SCN9A: variants seen among roughly 807,000 people sequenced by gnomAD.
The protein encoded by SCN9A is sodium voltage-gated channel alpha subunit 9, also known as sodium channel protein type 9 subunit alpha.
SCN9A carries 131 observed loss-of-function variants against 187.0 expected under a neutral mutation model. The observed-to-expected ratio is 0.70, with a 90% CI of 0.61 to 0.81. The LOEUF is 0.81. SCN9A is among the 30% of genes least tolerant of loss of function. The pLI, the probability that SCN9A is intolerant of heterozygous loss-of-function variation, is 0.00. For synonymous variants in SCN9A, 809 were observed against 808.6 expected, an observed-to-expected ratio of 1.00 and a Z score of -0.01; for missense variants, 2,252 against 2,396.6, an observed-to-expected ratio of 0.94 and a Z score of 1.26.
At chr2:166,232,834 TTA>T (rs1309982420) in intron 21 of SCN9A, among the ~76,000 whole-genome samples, 11 of 147,814 alleles carry the variant, frequency 7.4e-5, no homozygotes, top group Middle Eastern at 3.7e-3. Context: ...TATGCATATT[TTA>T]TATATAGTCT....
intron 1 of SCN9A, among the ~76,000 whole-genome samples, chr2:166,374,566 G>A (rs1700644177): frequency 6.6e-6 from 1 of 151,912 alleles, no homozygotes; most frequent in African/African-American, 2.4e-5. Context: ...GCAATAAAAT[G>A]AACAGTTTAA....
At chr2:166,245,712 A>G (rs149806353) in intron 18 of SCN9A, among the ~76,000 whole-genome samples, 2 of 152,116 alleles carry the variant, frequency 1.3e-5, no homozygotes, top group Admixed American at 6.6e-5. Context: ...AAGAATGGGC[A>G]GCACTTTTTT....
intron 24 of SCN9A, among the ~76,000 whole-genome samples, chr2:166,215,689 AC>A (rs1440402021): frequency 2.0e-5 from 3 of 151,536 alleles, no homozygotes; most frequent in Admixed American, 2.0e-4. Context: ...GAAACATGCA[AC>A]CTACCAAGAC....
chr2:166,340,774 C>A (rs922299886), intron 1 of SCN9A, among the ~76,000 whole-genome samples: 2 of 151,776 alleles, frequency 1.3e-5, no homozygotes, highest in African/African-American at 2.4e-5. Context: ...GCAGGCGCCA[C>A]AACACCCGGC....
chr2:166,294,515 T>C (rs2106506176), intron 8 of SCN9A, 84 bp downstream of exon 8: 1 of 924,846 alleles, frequency 1.1e-6, no homozygotes, highest in Non-Finnish European at 1.7e-6. Context: ...CAATATAGAA[T>C]CAAAGACTAA....
intron 19 of SCN9A, among the ~76,000 whole-genome samples, chr2:166,239,803 G>A (rs1423571517): frequency 3.9e-5 from 6 of 152,096 alleles, no homozygotes; most frequent in African/African-American, 1.2e-4. Context: ...GAGCAGAGCC[G>A]CAGGAAGTCT....
At chr2:166,286,686 C>T (rs1697763989) in intron 10 of SCN9A, 63 bp from the exon 11 acceptor site, 8 of 1,308,344 alleles carry the variant, frequency 6.1e-6, no homozygotes, top group Non-Finnish European at 8.1e-6. Context: ...AACCCTAGGA[C>T]AGGACATCTT....
intron 1 of SCN9A, among the ~76,000 whole-genome samples, chr2:166,329,655 C>A (rs1442803902): frequency 1.3e-5 from 2 of 151,956 alleles, no homozygotes; most frequent in African/African-American, 4.8e-5. Context: ...AACTAGGTGG[C>A]CTTGATCCTT....
At chr2:166,373,478 C>T (rs1360767942) in intron 1 of SCN9A, among the ~76,000 whole-genome samples, 1 of 151,798 alleles carries the variant, frequency 6.6e-6, no homozygotes, top group African/African-American at 2.4e-5. Context: ...ATGACCTGAA[C>T]TAATTTGGTG....
chr2:166,307,014 A>G lies in SCN9A; in HGVS notation c.319T>C (p.Tyr107His). Residue 107 changes from tyrosine to histidine, a missense_variant, in exon 3 of 27, where the codon TAT (tyrosine) becomes CAT (histidine). Around this residue, in one of 7 missense-constraint regions of SCN9A, gnomAD observed 1,013 missense variants for 997.4 expected, o/e 1.02. Transcript: ENST00000642356. ...IFRFNATPAL[Y>H]MLSPFSPLRR... ...AGAGGACTGAAAGGAGAAAGCATAT[A>G]TAAAGCAGGTGTGGCATTGAAACGG... The G allele has an allele frequency of 6.2e-7, 1 of 1,612,152 alleles. No individual in the cohort carries two copies. Among genetic ancestry groups the G allele is most frequent in the Non-Finnish European group, 8.5e-7 (1 of 1,178,372 alleles).
chr2:166,332,316 C>T (rs1027716075), intron 1 of SCN9A, among the ~76,000 whole-genome samples: 2 of 152,134 alleles, frequency 1.3e-5, no homozygotes, highest in African/African-American at 4.8e-5. Context: ...CAAAGCCTTC[C>T]AATGAATGCA....
chr2:166,290,300 C>G (rs1697986436), intron 9 of SCN9A, among the ~76,000 whole-genome samples: 1 of 152,118 alleles, frequency 6.6e-6, no homozygotes, highest in African/African-American at 2.4e-5. Context: ...ACCACATTTT[C>G]TTTATACAAT....
chr2:166,333,637 TG>T (rs1349390001), intron 1 of SCN9A, among the ~76,000 whole-genome samples: 5 of 151,812 alleles, frequency 3.3e-5, no homozygotes, highest in Non-Finnish European at 4.4e-5. Flanking sequence ...TGACATAACT[TG>T]TTTTTTTTTA....
Position 166,198,974 on chromosome 2 carries a change from CTT to C in SCN9A, c.5663_5664del (p.Gln1888ArgfsTer13). 6.2e-7 allele frequency: 1 copy of C among 1,614,024 alleles called. No homozygotes were observed. Among genetic ancestry groups the C allele is most frequent in the Non-Finnish European group, 8.5e-7 (1 of 1,179,924 alleles). ...EPITTTLKRK[Q>X]EDVSATVIQR... ...TGAATGACAGTAGCAGACACATCCT[CTT>C]GTTTCCGTTTTAGTGTGGTTGTGAT... On this transcript the variant is annotated frameshift_variant, in exon 27 of 27. Transcript: ENST00000642356. LOFTEE classifies it high-confidence loss of function.
At chr2:166,251,696 T>C in intron 18 of SCN9A, 69 bp downstream of exon 18, 1 of 1,553,410 alleles carries the variant, frequency 6.4e-7, no homozygotes, top group Non-Finnish European at 8.9e-7. Flanking sequence ...CTGGTAAGTA[T>C]TAGGCGTTAA....
intron 17 of SCN9A, among the ~76,000 whole-genome samples, chr2:166,253,372 A>G (rs1473068339): frequency 6.6e-6 from 1 of 151,826 alleles, no homozygotes; most frequent in East Asian, 1.9e-4. Flanking sequence ...TTATGAAAGT[A>G]TCAGTACAAA....
chr2:166,215,155 C>A (rs1348183410), intron 24 of SCN9A, among the ~76,000 whole-genome samples: 3 of 152,076 alleles, frequency 2.0e-5, no homozygotes, highest in African/African-American at 7.2e-5. Context: ...CCTTGAACAA[C>A]TCATAATTAC....
chr2:166,227,909 A>C (rs1231910128), intron 22 of SCN9A, among the ~76,000 whole-genome samples, 186 bp from the exon 23 acceptor site: 1 of 152,200 alleles, frequency 6.6e-6, no homozygotes, highest in Non-Finnish European at 1.5e-5. Flanking sequence ...AACATTCTAA[A>C]TCTTAGTCCC....
rs1366192360 is a variant in SCN9A at position 166,284,621 on chromosome 2, GA to G, written c.1805del (p.Ile602ThrfsTer13). On this transcript the variant is annotated frameshift_variant, in exon 12 of 27. Transcript: ENST00000642356. LOFTEE classifies it high-confidence loss of function. Reference protein sequence around the residue: ...HRPQERRSSNISQASRSPPML... With the variant: ...HRPQERRSSNXSQASRSPPML... ...TTGGTGGGGACCTACTGGCTTGGCT[GA>G]TGTTACTGCTGCGTCGCTCCTGGGG... is the stretch of plus-strand genomic sequence containing the variant. 1.2e-6 allele frequency: 2 copies of G among 1,614,018 alleles called. No individual in the cohort carries two copies. Among genetic ancestry groups the G allele is most frequent in the East Asian group, 4.5e-5 (2 of 44,882 alleles).
Sources: allele counts gnomAD v4.1 joint callset (sites outside exome capture counted in the v4.1 genomes callset), GRCh38; gene constraint gnomAD v4.1.1; regional missense constraint gnomAD v4.1.1; transcripts MANE v1.5; gene names NCBI Gene and HGNC (gene_info 2026-07-23, HGNC 2026-07-21).